Variants in IFNGR2 observed in about 807,000 individuals in gnomAD.
IFNGR2 encodes the protein IFN-gamma receptor 2.
A neutral mutation model predicts 41.1 loss-of-function variants in IFNGR2; 15 were observed. That is an observed-to-expected ratio of 0.37 (90% confidence interval 0.24 to 0.56). IFNGR2 has a LOEUF of 0.56. Ranked by LOEUF, IFNGR2 falls within the 20% of genes least tolerant of loss-of-function variation. The probability of loss-of-function intolerance (pLI) is 0.81; values close to 1 mark genes in which losing one functional copy is unlikely to be tolerated. For missense variants in IFNGR2, 362 were observed against 415.7 expected (o/e 0.87, Z 1.12); for synonymous variants, 161 against 171.6 (o/e 0.94, Z 0.48).
intron 6 of IFNGR2, among the ~76,000 whole-genome samples, chr21:33,436,474 G>A (rs113311486): frequency 5.3e-5 from 8 of 152,334 alleles, no homozygotes; most frequent in Non-Finnish European, 7.3e-5. Flanking sequence ...TATAATCCCA[G>A]CACTTTGGGA....
chr21:33,410,575 C>G (rs1160004234), intron 1 of IFNGR2, among the ~76,000 whole-genome samples: 1 of 150,210 alleles, frequency 6.7e-6, no homozygotes, highest in Non-Finnish European at 1.5e-5. Context: ...TCAAATGATT[C>G]TTGTGCTTCA....
intron 1 of IFNGR2, among the ~76,000 whole-genome samples, chr21:33,404,837 C>A (rs17885146): frequency 0.014 from 2,058 of 152,234 alleles, 51 homozygotes; most frequent in African/African-American, 0.047. Flanking sequence ...AACATAAAAA[C>A]CAAAAGAAAC....
rs1244271978 is a variant in IFNGR2, at chr21:33,403,507, C to T, written c.-37C>T. ...GCTCCGCGGACCCCGAGCGGGGCCCCGGCCGCGACCTGAGCCGCCGCCGAG... is the reference window on the plus strand; with the variant it reads ...GCTCCGCGGACCCCGAGCGGGGCCCTGGCCGCGACCTGAGCCGCCGCCGAG... On this transcript the variant is annotated 5_prime_UTR_variant, in exon 1 of 7. Transcript: ENST00000290219. The T allele has an allele frequency of 4.3e-6, 5 of 1,174,820 alleles. No homozygotes were observed. The Admixed American group carries it at 1.3e-4, about 31-fold the overall frequency. The allele number at this position is 1,174,820 out of a possible 1,614,324, so 72.8% of individuals were successfully genotyped here.
chr21:33,423,281 C>T (rs557793686), intron 3 of IFNGR2, among the ~76,000 whole-genome samples: 42 of 152,022 alleles, frequency 2.8e-4, no homozygotes, highest in African/African-American at 8.4e-4. Flanking sequence ...CCTTGTGATC[C>T]GCCCGCCTCG....
chr21:33,431,032 G>A (rs2083881564), intron 4 of IFNGR2, among the ~76,000 whole-genome samples: 1 of 152,156 alleles, frequency 6.6e-6, no homozygotes, highest in South Asian at 2.1e-4. Context: ...AGACCAGGTG[G>A]GGAGGCAGCA....
chr21:33,429,720 G>C (rs540265207), intron 4 of IFNGR2, among the ~76,000 whole-genome samples: 11 of 152,254 alleles, frequency 7.2e-5, no homozygotes, highest in African/African-American at 2.6e-4. Flanking sequence ...TCTGTGTAGC[G>C]TATGCCAAAA....
In IFNGR2 at chr21:33,421,559, T is replaced by C. The variant is rs1568956676; in HGVS notation, c.286T>C (p.Phe96Leu). Residue 96 changes from phenylalanine (F) to leucine (L), a missense_variant, in exon 3 of 7, where the codon TTC (phenylalanine) becomes CTC (leucine). Phe to Leu is a conservative substitution (Grantham distance 22). Transcript: ENST00000290219. ...CTQITATECD[F>L]TAASPSAGFP... ...ACAGATCACAGCAACAGAGTGTGAC[T>C]TCACTGCCGCCAGTCCCTCAGCAGG... The C allele has an allele frequency of 2.5e-6, 4 of 1,614,066 alleles. No individual in the cohort carries two copies. Among genetic ancestry groups the C allele is most frequent in the East Asian group, 4.5e-5 (2 of 44,878 alleles).
intron 2 of IFNGR2, among the ~76,000 whole-genome samples, chr21:33,417,841 A>C (rs2083764387): frequency 6.6e-6 from 1 of 152,076 alleles, no homozygotes; most frequent in South Asian, 2.1e-4. Context: ...TTGAACAAGG[A>C]AGTACGTTTA....
chr21:33,432,213 G>T lies in IFNGR2; in HGVS notation c.598G>T (p.Asp200Tyr), dbSNP rs1163270896. The change falls in exon 5 of 7, where the codon GAT (aspartate) becomes TAT (tyrosine). Residue 200 changes from aspartate (D) to tyrosine (Y), a missense_variant. Asp to Tyr is a radical substitution (Grantham distance 160). Coordinates refer to ENST00000290219, the MANE Select transcript of IFNGR2 (RefSeq NM_005534.4). ...GPFRSNSISL[D>Y]NLKPSRVYCL... Reference sequence around the variant, plus strand: ...TTTCAGAAGCAACTCCATTTCATTGGATAACTTAAAACCCTCCAGAGTGTA... The same window carrying T: ...TTTCAGAAGCAACTCCATTTCATTGTATAACTTAAAACCCTCCAGAGTGTA... The T allele has an allele frequency of 1.2e-6, 2 of 1,614,108 alleles. No individual in the cohort carries two copies. Among genetic ancestry groups the T allele is most frequent in the African/African-American group, 1.3e-5 (1 of 75,050 alleles).
chr21:33,432,347 C>T lies in IFNGR2; in HGVS notation c.721+11C>T, dbSNP rs543201259. 3 of 1,609,786 alleles carry T rather than the reference C, an allele frequency of 1.9e-6. No homozygotes were observed. In the African/African-American group the frequency reaches 4.0e-5, roughly 21 times the overall value. ...AAACAATGGCAGATGGTAAAATATA[C>T]CTTCTTATGTCCTTTCTGAACTGGG... On this transcript the variant is annotated intron_variant, in intron 5 of 6. Coordinates refer to ENST00000290219, the MANE Select transcript of IFNGR2 (RefSeq NM_005534.4).
Position 33,414,951 on chromosome 21 carries a change from T to C in IFNGR2, c.137T>C (p.Val46Ala). The C allele has an allele frequency of 6.2e-7, 1 of 1,614,122 alleles. No individual in the cohort carries two copies. The highest frequency in any genetic ancestry group is 8.5e-7 in the Non-Finnish European group (1 of 1,179,992). ...ATTCGCCTGTACAACGCAGAGCAGG[T>C]CCTGAGTTGGGAGCCAGTGGCCCTG... is the stretch of plus-strand genomic sequence containing the variant. ...PKIRLYNAEQ[V>A]LSWEPVALSN... Residue 46 changes from valine (V) to alanine (A), a missense_variant, in exon 2 of 7, where the codon GTC becomes GCC. Val to Ala is a moderately conservative substitution (Grantham distance 64). Coordinates refer to ENST00000290219, the MANE Select transcript of IFNGR2 (RefSeq NM_005534.4).
At chr21:33,431,771 A>G (rs1237124314) in intron 4 of IFNGR2, among the ~76,000 whole-genome samples, 3 of 152,134 alleles carry the variant, frequency 2.0e-5, no homozygotes, top group South Asian at 2.1e-4. Context: ...GGGTTTTGCA[A>G]TGTTGGCCAG....
chr21:33,422,877 C>CAAAAAAA (rs71194843), intron 3 of IFNGR2, among the ~76,000 whole-genome samples: 28 of 34,954 alleles, frequency 8.0e-4, no homozygotes, highest in Admixed American at 1.1e-3. Context: ...AACTCCATCT[C>CAAAAAAA]AAAAAAAAAA....
At chr21:33,415,056 C>G in intron 2 of IFNGR2, 36 bp downstream of exon 2, 2 of 1,613,010 alleles carry the variant, frequency 1.2e-6, no homozygotes, top group African/African-American at 1.3e-5. Flanking sequence ...TTGCTGGGAG[C>G]TGTGGGGGCA....
At chr21:33,423,036 CTTTT>C (rs1158807047) in intron 3 of IFNGR2, among the ~76,000 whole-genome samples, 1 of 117,372 alleles carries the variant, frequency 8.5e-6, no homozygotes. Flanking sequence ...CTTCCCTCTA[CTTTT>C]TTTTTTTTTT....
chr21:33,421,803 T>G, intron 3 of IFNGR2, 118 bp downstream of exon 3: 1 of 838,738 alleles, frequency 1.2e-6, no homozygotes, highest in Middle Eastern at 3.4e-4. Context: ...GACAAATGGG[T>G]AGGACAGTCA....
rs1457075018 is a variant in IFNGR2, at chr21:33,411,028, A to G, written c.74-3860A>G. Reference sequence around the variant, plus strand: ...TGGAACACAGAGGCTGGGCTGCCCAAGGACAGGCCCCCTGGCCTACAAAAA... The same window carrying G: ...TGGAACACAGAGGCTGGGCTGCCCAGGGACAGGCCCCCTGGCCTACAAAAA... On this transcript the variant is annotated intron_variant, in intron 1 of 6. Coordinates refer to ENST00000290219, the MANE Select transcript of IFNGR2 (RefSeq NM_005534.4). 9 of 683,586 alleles carry G rather than the reference A, an allele frequency of 1.3e-5. No individual in the cohort carries two copies. The East Asian group carries it at 2.2e-4, about 17-fold the overall frequency. The allele number at this position is 683,586 out of a possible 1,614,324, so 42.3% of individuals were successfully genotyped here. A position where few individuals can be genotyped will look rare whatever the true frequency, so the allele number is the denominator to read the frequency against.
chr21:33,405,119 A>C (rs1025998464), intron 1 of IFNGR2, among the ~76,000 whole-genome samples: 1 of 151,212 alleles, frequency 6.6e-6, no homozygotes, highest in East Asian at 1.9e-4. Flanking sequence ...AAAAAAAAAA[A>C]AAAAGAAAAA....
chr21:33,427,840 T>G (rs1234802133), intron 4 of IFNGR2, among the ~76,000 whole-genome samples: 1 of 51,290 alleles, frequency 1.9e-5, no homozygotes, highest in East Asian at 1.6e-3. Context: ...TCATCTCATT[T>G]CATCTTTTTT....
Sources: allele counts gnomAD v4.1 joint callset (sites outside exome capture counted in the v4.1 genomes callset), GRCh38; gene constraint gnomAD v4.1.1; transcripts MANE v1.5; gene names NCBI Gene and HGNC (gene_info 2026-07-23, HGNC 2026-07-21).